MTA3: variants seen among roughly 807,000 people sequenced by gnomAD.
The protein encoded by MTA3 is metastasis-associated protein MTA3.
A neutral mutation model predicts 83.5 loss-of-function variants in MTA3; 34 were observed. That is an observed-to-expected ratio of 0.41 (90% CI 0.31 to 0.54). The LOEUF (loss-of-function observed/expected upper bound fraction) is 0.54, where lower values mean the gene tolerates loss of function less well. Ranked by LOEUF, MTA3 falls within the 20% of genes least tolerant of loss-of-function variation. The pLI is 0.33. For synonymous variants in MTA3, 303 were observed against 252.7 expected (o/e 1.20, Z -1.89); for missense variants, 761 against 726.4 (o/e 1.05, Z -0.55).
At chr2:42,742,401 A>G (rs1488591434) in intron 16 of MTA3, among the ~76,000 whole-genome samples, 2 of 152,082 alleles carry the variant, frequency 1.3e-5, no homozygotes, top group Non-Finnish European at 2.9e-5. Flanking sequence ...AGCCTCCCAA[A>G]GTGCTAGGTT....
chr2:42,715,436 AG>A (rs1270616619), intron 14 of MTA3, among the ~76,000 whole-genome samples: 11 of 116,538 alleles, frequency 9.4e-5, no homozygotes, highest in Non-Finnish European at 1.5e-4. Context: ...TTTTTGAGAC[AG>A]GGTCTTGCTC....
chr2:42,748,489 A>T (rs1226191205), intron 16 of MTA3, among the ~76,000 whole-genome samples: 1 of 152,194 alleles, frequency 6.6e-6, no homozygotes, highest in Non-Finnish European at 1.5e-5. Flanking sequence ...ATCTACTATT[A>T]GTCCCATCCA....
intron 5 of MTA3, among the ~76,000 whole-genome samples, chr2:42,643,535 G>T (rs1573445596): frequency 1.3e-5 from 2 of 152,104 alleles, no homozygotes; most frequent in South Asian, 4.1e-4. Context: ...CTGTCTATAT[G>T]TATATATATG....
chr2:42,644,299 A>C (rs1265849094), intron 6 of MTA3, 55 bp downstream of exon 6: 90 of 1,160,462 alleles, frequency 7.8e-5, no homozygotes, highest in Non-Finnish European at 1.1e-4. Context: ...TTGAAACTCA[A>C]ATATACATGT....
At chr2:42,578,418 C>T (rs1035848848) in intron 2 of MTA3, among the ~76,000 whole-genome samples, 1 of 151,970 alleles carries the variant, frequency 6.6e-6, no homozygotes, top group African/African-American at 2.4e-5. Context: ...AGATTGTAGC[C>T]AAAAAGAAAT....
At chr2:42,505,513 C>A (rs1674590668) in intron 2 of MTA3, among the ~76,000 whole-genome samples, 1 of 152,106 alleles carries the variant, frequency 6.6e-6, no homozygotes, top group Non-Finnish European at 1.5e-5. Context: ...CCCATGCTGG[C>A]TCAGCACCAC....
At chr2:42,604,574 C>CTT (rs963468751) in intron 3 of MTA3, among the ~76,000 whole-genome samples, 1 of 16,688 alleles carries the variant, frequency 6.0e-5, no homozygotes, top group Admixed American at 7.9e-4. Context: ...TGTTTCTTTT[C>CTT]TTTTTTTTTT....
At chr2:42,706,308 ATTAG>A (rs1666075339) in intron 12 of MTA3, among the ~76,000 whole-genome samples, 2 of 152,204 alleles carry the variant, frequency 1.3e-5, no homozygotes, top group African/African-American at 2.4e-5. Context: ...AAAATGACTT[ATTAG>A]TTCTAAATTA....
At chr2:42,641,419 A>G (rs1170296205) in intron 5 of MTA3, among the ~76,000 whole-genome samples, 1 of 152,116 alleles carries the variant, frequency 6.6e-6, no homozygotes, top group Non-Finnish European at 1.5e-5. Flanking sequence ...TAAAATTTAG[A>G]TAGGCTTTTG....
chr2:42,585,063 CTT>C (rs1438976792), intron 3 of MTA3, among the ~76,000 whole-genome samples: 1 of 151,374 alleles, frequency 6.6e-6, no homozygotes, highest in Non-Finnish European at 1.5e-5. Context: ...TCCCAAGTAA[CTT>C]TGATTACATA....
At chr2:42,517,502 G>T (rs747522495) in intron 2 of MTA3, among the ~76,000 whole-genome samples, 8 of 150,864 alleles carry the variant, frequency 5.3e-5, no homozygotes, top group Non-Finnish European at 8.8e-5. Flanking sequence ...CAATCCGGGA[G>T]GTGGAGGTTG....
chr2:42,525,553 CCTTA>C (rs1371060851), intron 2 of MTA3, among the ~76,000 whole-genome samples: 13 of 147,436 alleles, frequency 8.8e-5, no homozygotes, highest in Admixed American at 4.8e-4. Flanking sequence ...CATTCCTTCC[CCTTA>C]CTTCCTTCCT....
intron 14 of MTA3, chr2:42,712,678 G>A (rs183432777): frequency 2.0e-5 from 3 of 152,138 alleles, no homozygotes; most frequent in African/African-American, 4.8e-5. Flanking sequence ...ATAAAGAAAC[G>A]TACTGTTTTC....
rs556729158 is a variant in MTA3 at position 42,608,403 on chromosome 2, A to C, written c.191-1055A>C. ...AGTAGTTCATTAAAAAGAATATCCA[A>C]AGAATTTTAAATTGCTTTATTCTTG... On this transcript the variant is annotated intron_variant, in intron 3 of 16. Transcript: ENST00000405094. 3.3e-5 allele frequency among the ~76,000 whole-genome samples: 5 copies of C among 152,282 alleles called. No individual in the cohort carries two copies. In the East Asian group the frequency reaches 9.6e-4, roughly 29 times the overall value.
intron 12 of MTA3, among the ~76,000 whole-genome samples, chr2:42,706,192 G>A (rs1666064492): frequency 6.6e-6 from 1 of 152,058 alleles, no homozygotes; most frequent in African/African-American, 2.4e-5. Flanking sequence ...GAGTTAATGG[G>A]TGCAGCACCC....
At chr2:42,533,052 A>T in intron 2 of MTA3, 1 of 165,930 alleles carries the variant, frequency 6.0e-6, no homozygotes, top group Admixed American at 6.0e-5. Context: ...GCAGACTTCC[A>T]CTTTTGCCAT....
At chr2:42,548,831 T>TATATATATATATAATATATATATA (rs1558428246) in intron 2 of MTA3, among the ~76,000 whole-genome samples, 37 of 8,532 alleles carry the variant, frequency 4.3e-3, no homozygotes, top group African/African-American at 0.013. Context: ...ATATATATAA[T>TATATATATATATAATATATATATA]ATATATATAT....
intron 6 of MTA3, among the ~76,000 whole-genome samples, chr2:42,648,560 A>C (rs1216760683): frequency 6.6e-6 from 1 of 152,186 alleles, no homozygotes; most frequent in Non-Finnish European, 1.5e-5. Context: ...CTTGCTAGGG[A>C]ATAAATCTTT....
chr2:42,578,979 C>G (rs1573036253), intron 2 of MTA3, 128 bp from the exon 3 acceptor site: 2 of 576,150 alleles, frequency 3.5e-6, no homozygotes, highest in African/African-American at 3.9e-5. Flanking sequence ...CTGTGGTTAT[C>G]CTGCAGTTGT....
Sources: gnomAD v4.1 joint callset for allele counts (sites outside exome capture counted in the v4.1 genomes callset) on GRCh38, gnomAD v4.1.1 for gene constraint, MANE v1.5 for transcripts, NCBI Gene and HGNC (gene_info 2026-07-23, HGNC 2026-07-21) for gene names.